The following CSMD1 variants were observed in gnomAD, a reference collection of about 807,000 sequenced individuals.
CSMD1 encodes CUB and Sushi multiple domains 1, also known as CUB and sushi domain-containing protein 1.
Under a neutral mutation model 417.5 loss-of-function variants are expected in CSMD1, and 213 were observed. That is an observed-to-expected ratio of 0.51 (90% CI 0.46 to 0.57). The LOEUF is 0.57. CSMD1 is among the 20% of genes least tolerant of loss of function. CSMD1 has a pLI of 0.00. For missense variants in CSMD1, 6,923 were observed against 4,529.7 expected, an observed-to-expected ratio of 1.53 and a Z score of -15.17; for synonymous variants, 2,862 against 1,736.8, an observed-to-expected ratio of 1.65 and a Z score of -16.11.
At position 4,482,026 on chromosome 8, in the gene CSMD1, G is replaced by T. The variant is rs552884715; in HGVS notation, c.303-61961C>A. ...TTTCCAGAGATTTATGAATTCTCCT[G>T]CCACACCCTTCCATGGCCACCTTTA... On this transcript the variant is annotated intron_variant, in intron 2 of 69. Coordinates refer to ENST00000635120, the MANE Select transcript of CSMD1 (RefSeq NM_033225.6). Among the ~76,000 whole-genome samples the T allele has an allele frequency of 3.2e-4, 48 of 152,288 alleles. No homozygotes were observed. In the South Asian group the frequency reaches 1.0e-2, roughly 32 times the overall value.
At chr8:4,361,031 T>C (rs745626810) in intron 3 of CSMD1, among the ~76,000 whole-genome samples, 21 of 152,326 alleles carry the variant, frequency 1.4e-4, no homozygotes, top group South Asian at 6.2e-4. Flanking sequence ...TTAAAATTAA[T>C]GCTATATTGA....
chr8:4,113,944 G>C (rs935984129), intron 3 of CSMD1, among the ~76,000 whole-genome samples: 3 of 152,162 alleles, frequency 2.0e-5, no homozygotes, highest in Non-Finnish European at 4.4e-5. Flanking sequence ...TTTAAGAAAA[G>C]AAGCCATCTC....
At chr8:3,375,259 CA>C (rs1188498937) in intron 18 of CSMD1, 4 of 152,192 alleles carry the variant, frequency 2.6e-5, no homozygotes, top group Non-Finnish European at 2.9e-5. Flanking sequence ...AACTACTCCC[CA>C]CTATTGCTTT....
chr8:3,459,978 C>T (rs1369115015), intron 12 of CSMD1, among the ~76,000 whole-genome samples: 1 of 152,202 alleles, frequency 6.6e-6, no homozygotes, highest in Non-Finnish European at 1.5e-5. Context: ...CACTCACTCA[C>T]ATTTTGCACA....
intron 10 of CSMD1, among the ~76,000 whole-genome samples, chr8:3,505,190 G>A (rs567746778): frequency 6.6e-6 from 1 of 152,230 alleles, no homozygotes; most frequent in South Asian, 2.1e-4. Context: ...TAAAAAATGA[G>A]AGACTGGGAA....
chr8:3,206,830 T>C (rs1047694622), intron 30 of CSMD1, among the ~76,000 whole-genome samples: 1 of 152,156 alleles, frequency 6.6e-6, no homozygotes, highest in East Asian at 1.9e-4. Context: ...TAAAGCATCA[T>C]GGAAGAGACC....
At chr8:4,006,858 C>G (rs1816160240) in intron 4 of CSMD1, among the ~76,000 whole-genome samples, 2 of 117,744 alleles carry the variant, frequency 1.7e-5, no homozygotes. Flanking sequence ...GATGGAGACT[C>G]ACTCTGTTGC....
At chr8:4,469,587 G>C (rs999721249) in intron 2 of CSMD1, among the ~76,000 whole-genome samples, 4 of 152,100 alleles carry the variant, frequency 2.6e-5, no homozygotes, top group African/African-American at 9.7e-5. Flanking sequence ...CAAACACCTT[G>C]GAGTGGTCTT....
chr8:3,508,884 T>A (rs1049621013), intron 10 of CSMD1, among the ~76,000 whole-genome samples: 1 of 152,176 alleles, frequency 6.6e-6, no homozygotes, highest in Non-Finnish European at 1.5e-5. Context: ...GTTAGAGCCA[T>A]GAGACAGGAA....
At chr8:4,150,176 T>A (rs1205835927) in intron 3 of CSMD1, among the ~76,000 whole-genome samples, 1 of 152,216 alleles carries the variant, frequency 6.6e-6, no homozygotes, top group Non-Finnish European at 1.5e-5. Flanking sequence ...TCCAGGTATG[T>A]CCTGAGGCAT....
intron 26 of CSMD1, among the ~76,000 whole-genome samples, chr8:3,257,846 C>T (rs1800775020): frequency 6.6e-6 from 1 of 151,996 alleles, no homozygotes; most frequent in Non-Finnish European, 1.5e-5. Context: ...CTGCAAGGGA[C>T]TTGGGGCTTG....
intron 5 of CSMD1, among the ~76,000 whole-genome samples, chr8:3,835,905 T>A (rs1016124088): frequency 1.3e-5 from 2 of 152,002 alleles, no homozygotes; most frequent in African/African-American, 4.8e-5. Flanking sequence ...GATAAGACTT[T>A]TTTCAACATA....
chr8:4,752,368 T>G (rs79922142), intron 1 of CSMD1, among the ~76,000 whole-genome samples: 1 of 152,178 alleles, frequency 6.6e-6, no homozygotes, highest in Non-Finnish European at 1.5e-5. Flanking sequence ...TCTTGAACAA[T>G]AGATGAAACA....
chr8:4,989,829 C>T (rs989164427), intron 1 of CSMD1, among the ~76,000 whole-genome samples: 1 of 152,162 alleles, frequency 6.6e-6, no homozygotes, highest in Non-Finnish European at 1.5e-5. Context: ...AGCCACCGAG[C>T]TTTGTTTATC....
intron 1 of CSMD1, among the ~76,000 whole-genome samples, chr8:4,904,237 C>T (rs145248429): frequency 4.3e-4 from 65 of 152,264 alleles, no homozygotes; most frequent in African/African-American, 1.0e-3. Flanking sequence ...TCATAGAAAG[C>T]TCCAATTCCT....
intron 4 of CSMD1, among the ~76,000 whole-genome samples, chr8:4,003,378 G>A (rs979766722): frequency 6.6e-6 from 1 of 151,704 alleles, no homozygotes; most frequent in South Asian, 2.1e-4. Context: ...GGGCGACACA[G>A]CAAGACACTG....
At chr8:3,418,941 T>C (rs888507753) in intron 12 of CSMD1, among the ~76,000 whole-genome samples, 2 of 152,250 alleles carry the variant, frequency 1.3e-5, no homozygotes, top group African/African-American at 4.8e-5. Context: ...GTATGCATAA[T>C]GCAATTTTAC....
At chr8:4,396,640 C>CAT (rs1314644358) in intron 3 of CSMD1, among the ~76,000 whole-genome samples, 1 of 150,818 alleles carries the variant, frequency 6.6e-6, no homozygotes, top group South Asian at 2.1e-4. Flanking sequence ...CACACACACA[C>CAT]ATAAATATCT....
intron 3 of CSMD1, among the ~76,000 whole-genome samples, chr8:4,146,562 A>G (rs181126921): frequency 4.0e-5 from 5 of 123,898 alleles, no homozygotes; most frequent in Non-Finnish European, 6.8e-5. Flanking sequence ...AGGAAGCTCC[A>G]TTATTATCTG....
Sources: gnomAD v4.1 joint callset for allele counts (sites outside exome capture counted in the v4.1 genomes callset) on GRCh38, gnomAD v4.1.1 for gene constraint, MANE v1.5 for transcripts, NCBI Gene and HGNC (gene_info 2026-07-23, HGNC 2026-07-21) for gene names.